The following IL6R variants were observed in gnomAD, a reference collection of about 807,000 sequenced individuals.
The protein encoded by IL6R is interleukin-6 receptor subunit alpha.
A neutral mutation model predicts 48.3 loss-of-function variants in IL6R; 38 were observed. The ratio of observed to expected loss-of-function variants is 0.79; its 90% CI spans 0.61 to 1.03. The LOEUF is 1.03. IL6R is among the 50% of genes least tolerant of loss of function. IL6R has a pLI of 0.00. For missense variants in IL6R, 534 were observed against 618.3 expected, an observed-to-expected ratio of 0.86 and a Z score of 1.45; for synonymous variants, 264 against 256.2, an observed-to-expected ratio of 1.03 and a Z score of -0.29.
Position 154,429,216 on chromosome 1 carries a change from A to C in IL6R, c.106A>C (p.Thr36Pro). Residue 36 changes from threonine (T) to proline (P), a missense_variant, in exon 2 of 10, where the codon ACC (threonine) becomes CCC (proline). By Grantham distance (38) the Thr-to-Pro change is conservative (BLOSUM62 -1). Transcript: ENST00000368485. ...PAQEVARGVL[T>P]SLPGDSVTLT... ...TCCAGAGGTGGCGAGAGGCGTGCTGACCAGTCTGCCAGGAGACAGCGTGAC... is the reference window on the plus strand; with the variant it reads ...TCCAGAGGTGGCGAGAGGCGTGCTGCCCAGTCTGCCAGGAGACAGCGTGAC... 1 of 1,613,184 alleles carries C rather than the reference A, an allele frequency of 6.2e-7. No individual in the cohort carries two copies. Among genetic ancestry groups the C allele is most frequent in the Non-Finnish European group, 8.5e-7 (1 of 1,179,304 alleles).
intron 9 of IL6R, among the ~76,000 whole-genome samples, chr1:154,462,027 G>A (rs1250804023): frequency 3.9e-5 from 6 of 152,152 alleles, no homozygotes; most frequent in Admixed American, 1.3e-4. Context: ...CAGAAACAAC[G>A]GGGATGCAGA....
chr1:154,463,873 C>T (rs1691395653), intron 9 of IL6R, among the ~76,000 whole-genome samples: 1 of 152,186 alleles, frequency 6.6e-6, no homozygotes, highest in Non-Finnish European at 1.5e-5. Flanking sequence ...CATTGACTTT[C>T]CTGTCAGATG....
At chr1:154,458,048 C>G (rs1167024155) in intron 9 of IL6R, among the ~76,000 whole-genome samples, 3 of 150,478 alleles carry the variant, frequency 2.0e-5, no homozygotes, top group Non-Finnish European at 4.4e-5. Context: ...CTCACTGCAA[C>G]CTCCGCCTCC....
chr1:154,407,937 G>A (rs904019768), intron 1 of IL6R, among the ~76,000 whole-genome samples: 5 of 152,190 alleles, frequency 3.3e-5, no homozygotes, highest in African/African-American at 7.2e-5. Context: ...ATACCTTTAA[G>A]TATCTCAAAG....
At position 154,405,530 on chromosome 1, in the gene IL6R, C is replaced by T; in HGVS notation, c.-100C>T. 3.4e-4 allele frequency: 40 copies of T among 117,794 alleles called. No individual in the cohort carries two copies. The highest frequency in any genetic ancestry group is 2.2e-3 in the South Asian group (14 of 6,422). 7.3% of individuals were successfully genotyped at this position (117,794 alleles called of 1,614,324 possible). ...TGCCCCCGGGGCCTGAGCCCGCCTG[C>T]CCGCCCACCGCCCCGCCCCGCCCCT... On this transcript the variant is annotated 5_prime_UTR_variant, in exon 1 of 10. Coordinates refer to ENST00000368485, the MANE Select transcript of IL6R (RefSeq NM_000565.4). The surrounding 1 kb of genome is among the most constrained non-coding windows in gnomAD (Gnocchi z 5.2).
chr1:154,465,594 C>G lies in IL6R; in HGVS notation c.*214C>G. On this transcript the variant is annotated 3_prime_UTR_variant, in exon 10 of 10. Coordinates refer to ENST00000368485, the MANE Select transcript of IL6R (RefSeq NM_000565.4). ...GTTTCAAACCTCCCTTTCCAAATGC[C>G]CAGCTTAAAGGGGCTAGAGTGAACT... is the stretch of plus-strand genomic sequence containing the variant. 1 of 601,652 alleles carries G rather than the reference C, an allele frequency of 1.7e-6. No individual in the cohort carries two copies. The highest frequency in any genetic ancestry group is 2.8e-5 in the East Asian group (1 of 35,514). 37.3% of individuals were successfully genotyped at this position (601,652 alleles called of 1,614,324 possible).
intron 1 of IL6R, chr1:154,415,003 T>G: frequency 6.6e-7 from 1 of 1,520,172 alleles, no homozygotes; most frequent in East Asian, 2.4e-5. Flanking sequence ...AGCTGCTGTT[T>G]GGTCAGCTTG....
intron 1 of IL6R, among the ~76,000 whole-genome samples, chr1:154,419,106 C>G (rs1225232557): frequency 6.6e-6 from 1 of 152,094 alleles, no homozygotes; most frequent in Non-Finnish European, 1.5e-5. Context: ...AGCGTGGATT[C>G]CCTCATGCAT....
intron 1 of IL6R, among the ~76,000 whole-genome samples, chr1:154,426,680 C>A (rs1299027785): frequency 1.3e-5 from 2 of 151,968 alleles, no homozygotes; most frequent in Non-Finnish European, 2.9e-5. Context: ...GTATTTTATG[C>A]TTCATAAATT....
chr1:154,464,418 G>A (rs1017723997), intron 9 of IL6R, among the ~76,000 whole-genome samples: 4 of 152,056 alleles, frequency 2.6e-5, no homozygotes, highest in Middle Eastern at 3.2e-3. Context: ...GCCTCCCAAT[G>A]TGTGGGGATT....
intron 1 of IL6R, among the ~76,000 whole-genome samples, chr1:154,411,694 A>G (rs150161262): frequency 2.0e-5 from 3 of 152,262 alleles, no homozygotes; most frequent in Non-Finnish European, 4.4e-5. Flanking sequence ...AGTCACTACA[A>G]GCTTTAAAGT....
chr1:154,417,780 G>T (rs1182169379), intron 1 of IL6R, among the ~76,000 whole-genome samples: 2 of 128,824 alleles, frequency 1.6e-5, no homozygotes, highest in Non-Finnish European at 3.2e-5. Flanking sequence ...CACTCTTGTT[G>T]CCCAGGCTGG....
At chr1:154,448,374 C>T (rs1490521772) in intron 7 of IL6R, among the ~76,000 whole-genome samples, 3 of 152,226 alleles carry the variant, frequency 2.0e-5, no homozygotes, top group South Asian at 2.1e-4. Context: ...AGTGGAGCAG[C>T]GCTGGCCTGG....
intron 3 of IL6R, among the ~76,000 whole-genome samples, chr1:154,431,666 G>C (rs1369829809): frequency 6.6e-6 from 1 of 152,192 alleles, no homozygotes; most frequent in Non-Finnish European, 1.5e-5. Flanking sequence ...GGGATGAAGT[G>C]AGGTGAATGA....
At chr1:154,422,336 C>T (rs1335661885) in intron 1 of IL6R, among the ~76,000 whole-genome samples, 1 of 152,198 alleles carries the variant, frequency 6.6e-6, no homozygotes, top group Non-Finnish European at 1.5e-5. Flanking sequence ...TTTATCAAGG[C>T]CCCAATAAAA....
intron 9 of IL6R, among the ~76,000 whole-genome samples, chr1:154,457,829 C>T (rs1024675771): frequency 4.6e-5 from 7 of 152,150 alleles, no homozygotes; most frequent in African/African-American, 1.7e-4. Flanking sequence ...GCTTTCTACA[C>T]GTTAGCTCAT....
At chr1:154,438,108 C>G (rs1570969723) in intron 6 of IL6R, among the ~76,000 whole-genome samples, 1 of 152,138 alleles carries the variant, frequency 6.6e-6, no homozygotes, top group Non-Finnish European at 1.5e-5. Flanking sequence ...TGTCCCATGC[C>G]TTCCATTTCT....
At chr1:154,453,710 T>A (rs1046939313) in intron 8 of IL6R, among the ~76,000 whole-genome samples, 2 of 152,196 alleles carry the variant, frequency 1.3e-5, no homozygotes, top group Admixed American at 1.3e-4. Context: ...GTCCCTGCCT[T>A]CAGGGAACTC....
chr1:154,463,847 T>C (rs1691393908), intron 9 of IL6R, among the ~76,000 whole-genome samples: 1 of 152,184 alleles, frequency 6.6e-6, no homozygotes, highest in African/African-American at 2.4e-5. Flanking sequence ...AAGATGTCTA[T>C]CTCCTTCCTG....
Sources: allele counts gnomAD v4.1 joint callset (sites outside exome capture counted in the v4.1 genomes callset), GRCh38; gene constraint gnomAD v4.1.1; non-coding constraint Gnocchi (gnomAD v3.1); transcripts MANE v1.5; gene names NCBI Gene and HGNC (gene_info 2026-07-23, HGNC 2026-07-21).